The following THUMPD2 variants were observed in gnomAD, a reference collection of about 807,000 sequenced individuals.
The protein encoded by THUMPD2 is THUMP domain 2 tRNA and snRNA guanosine methyltransferase.
In THUMPD2, 56 loss-of-function variants were observed where a neutral mutation model predicts 49.4. The ratio of observed to expected loss-of-function variants is 1.13; its 90% CI spans 0.91 to 1.41. THUMPD2 has a LOEUF of 1.41. Among genes scored for constraint, THUMPD2 ranks in the 40% most tolerant of loss-of-function variants. The pLI is 0.00. For missense variants in THUMPD2, 709 were observed against 594.5 expected, an observed-to-expected ratio of 1.19 and a Z score of -2.00; for synonymous variants, 237 against 205.2, an observed-to-expected ratio of 1.15 and a Z score of -1.32.
chr2:39,769,723 G>C lies in THUMPD2; in HGVS notation c.659C>G (p.Ala220Gly). The C allele has an allele frequency of 6.4e-7, 1 of 1,567,712 alleles. No individual in the cohort carries two copies. The highest frequency in any genetic ancestry group is 8.6e-7 in the Non-Finnish European group (1 of 1,163,838). Residue 220 changes from alanine to glycine, a missense_variant, in exon 3 of 10, where the codon GCC becomes GGC. Physicochemically the swap from Ala to Gly is moderately conservative, Grantham distance 60. Coordinates refer to ENST00000505747, the MANE Select transcript of THUMPD2 (RefSeq NM_025264.5). ...ATGCAAGCATACCTGTGCAGTGAAG[G>C]CCTTTCCAATAGTTCCACTGCAGCG... ...SCRCSGTIGK[A>G]FTAQEVGKVI...
chr2:39,771,235 A>AT (rs1678272336), intron 2 of THUMPD2, among the ~76,000 whole-genome samples: 1 of 152,130 alleles, frequency 6.6e-6, no homozygotes, highest in Non-Finnish European at 1.5e-5. Context: ...ATATCTCTAG[A>AT]GAAGGTACCT....
chr2:39,760,426 C>G (rs1188332566), intron 6 of THUMPD2, among the ~76,000 whole-genome samples: 1 of 152,046 alleles, frequency 6.6e-6, no homozygotes, highest in Admixed American at 6.6e-5. Context: ...AGTAAAATCT[C>G]TAACCACAAA....
chr2:39,744,539 A>G, intron 8 of THUMPD2, 61 bp from the exon 9 acceptor site: 1 of 1,098,742 alleles, frequency 9.1e-7, no homozygotes, highest in Non-Finnish European at 1.3e-6. Context: ...AACTTAAATA[A>G]TGAGAAAATT....
chr2:39,778,614 A>G (rs1398565058), intron 1 of THUMPD2, among the ~76,000 whole-genome samples: 7 of 152,246 alleles, frequency 4.6e-5, no homozygotes, highest in Admixed American at 4.6e-4. Context: ...TGAGGCCTGC[A>G]AGAGTATATT....
In THUMPD2 at chr2:39,769,957, A is replaced by T. The variant is rs1234267062; in HGVS notation, c.425T>A (p.Ile142Asn). Residue 142 changes from isoleucine to asparagine, a missense_variant, in exon 3 of 10, where the codon ATC (isoleucine) becomes AAC (asparagine). Ile to Asn is a moderately radical substitution (Grantham distance 149). Transcript: ENST00000505747. ...QLKRKVGENE[I>N]IAKKLKIEQM... The stretch of plus-strand genomic sequence containing the variant: ...TTCTATTTTTAATTTCTTTGCAATG[A>T]TTTCATTTTCTCCCACTTTTCTTTT... 1.9e-6 allele frequency: 3 copies of T among 1,578,332 alleles called. No individual in the cohort carries two copies. The Admixed American group carries it at 6.0e-5, about 31-fold the overall frequency.
Position 39,745,825 on chromosome 2 carries a change from A to T in THUMPD2, c.1079-1347T>A, listed in dbSNP as rs188709157. Among the ~76,000 whole-genome samples, 968 of 152,242 alleles carry T rather than the reference A, an allele frequency of 6.4e-3. 3 individuals are homozygous for T. Among genetic ancestry groups the T allele is most frequent in the Non-Finnish European group, 8.4e-3 (570 of 67,996 alleles). ...ATATAGATGGAAGAGAATAATTTTTAAAAAAAATCTCCAGAACTAAGCAGT... is the reference window on the plus strand; with the variant it reads ...ATATAGATGGAAGAGAATAATTTTTTAAAAAAATCTCCAGAACTAAGCAGT... On this transcript the variant is annotated intron_variant, in intron 8 of 9. Transcript: ENST00000505747.
intron 8 of THUMPD2, among the ~76,000 whole-genome samples, chr2:39,747,587 C>G (rs1408347439): frequency 2.0e-5 from 3 of 152,010 alleles, no homozygotes; most frequent in Non-Finnish European, 4.4e-5. Context: ...TATTTATTAT[C>G]CAATAAATTG....
intron 6 of THUMPD2, among the ~76,000 whole-genome samples, chr2:39,757,773 T>C (rs958113722): frequency 6.6e-6 from 1 of 152,250 alleles, no homozygotes; most frequent in Admixed American, 6.5e-5. Flanking sequence ...GAGAACAGTT[T>C]ATAGTAAACA....
Position 39,751,243 on chromosome 2 carries a change from C to G in THUMPD2, c.1078+4052G>C, listed in dbSNP as rs577957992. ...GGCATGACAGGCAGCAAGGAGAAAA[C>G]AAACCAGTATGAAAGAAAATGCAAA... On this transcript the variant is annotated intron_variant, in intron 8 of 9. Transcript: ENST00000505747. 2.0e-5 allele frequency among the ~76,000 whole-genome samples: 3 copies of G among 152,332 alleles called. No individual in the cohort carries two copies. In the South Asian group the frequency reaches 6.2e-4, roughly 32 times the overall value.
At chr2:39,747,433 C>G (rs920675942) in intron 8 of THUMPD2, among the ~76,000 whole-genome samples, 30 of 152,224 alleles carry the variant, frequency 2.0e-4, no homozygotes, top group African/African-American at 6.5e-4. Context: ...AAACATTAGT[C>G]TTAAACACGC....
chr2:39,778,048 C>G (rs1353093902), intron 1 of THUMPD2, among the ~76,000 whole-genome samples: 1 of 152,166 alleles, frequency 6.6e-6, no homozygotes, highest in Non-Finnish European at 1.5e-5. Flanking sequence ...TGAATCCCAT[C>G]TTTGCGATTT....
chr2:39,762,344 A>G (rs1676927500), intron 5 of THUMPD2, among the ~76,000 whole-genome samples: 1 of 152,138 alleles, frequency 6.6e-6, no homozygotes, highest in Non-Finnish European at 1.5e-5. Context: ...TGTGAATATT[A>G]AACATTTCTT....
At chr2:39,749,629 G>A (rs370643678) in intron 8 of THUMPD2, among the ~76,000 whole-genome samples, 1 of 152,204 alleles carries the variant, frequency 6.6e-6, no homozygotes, top group East Asian at 1.9e-4. Flanking sequence ...AAGTTCCAGG[G>A]TATATGTGCA....
At position 39,761,561 on chromosome 2, in the gene THUMPD2, A is replaced by C. The variant is rs546479609; in HGVS notation, c.804-143T>G. Reference sequence around the variant, plus strand: ...TATTCCCTAAGTTAGACAATGTTTCAGTCTTATTACAAAAATTGCTTCTCT... The same window carrying C: ...TATTCCCTAAGTTAGACAATGTTTCCGTCTTATTACAAAAATTGCTTCTCT... On this transcript the variant is annotated intron_variant, in intron 5 of 9. Coordinates refer to ENST00000505747, the MANE Select transcript of THUMPD2 (RefSeq NM_025264.5). The C allele has an allele frequency of 6.5e-6, 5 of 768,572 alleles. No homozygotes were observed. In the South Asian group the frequency reaches 1.0e-4, roughly 15 times the overall value. The allele number at this position is 768,572 out of a possible 1,614,324, so 47.6% of individuals were successfully genotyped here.
Position 39,769,992 on chromosome 2 carries a change from A to G in THUMPD2, c.390T>C (p.Asp130=), listed in dbSNP as rs749051493. The part of the protein sequence containing the change: ...AKKEKLSQRD[D]NQLKRKVGEN... ...CTCCCACTTTTCTTTTTAGTTGGTT[A>G]TCATCTCTCTGAGAAAGTTTTTCCT... is the stretch of plus-strand genomic sequence containing the variant. Residue 130 remains aspartate, a synonymous_variant, in exon 3 of 10, where the codon GAT becomes GAC. Transcript: ENST00000505747. 4.4e-6 allele frequency: 7 copies of G among 1,576,626 alleles called. No individual in the cohort carries two copies. Among genetic ancestry groups the G allele is most frequent in the Non-Finnish European group, 6.0e-6 (7 of 1,169,898 alleles).
At chr2:39,773,115 C>G (rs1678557177) in intron 1 of THUMPD2, among the ~76,000 whole-genome samples, 1 of 152,152 alleles carries the variant, frequency 6.6e-6, no homozygotes, top group African/African-American at 2.4e-5. Flanking sequence ...CTTCCGGTTT[C>G]TAGAATTTAC....
intron 2 of THUMPD2, 88 bp downstream of exon 2, chr2:39,771,417 G>A (rs1385994406): frequency 1.6e-5 from 21 of 1,337,756 alleles, no homozygotes; most frequent in Non-Finnish European, 2.0e-5. Flanking sequence ...ATATTAAAGT[G>A]TAAAATGGCT....
chr2:39,772,304 G>C (rs964858798), intron 1 of THUMPD2, among the ~76,000 whole-genome samples: 1 of 152,144 alleles, frequency 6.6e-6, no homozygotes, highest in Non-Finnish European at 1.5e-5. Context: ...CTTGACAAAT[G>C]GTCATGAAAT....
At chr2:39,758,201 ACT>A (rs1285280228) in intron 6 of THUMPD2, among the ~76,000 whole-genome samples, 4 of 152,150 alleles carry the variant, frequency 2.6e-5, no homozygotes, top group Non-Finnish European at 4.4e-5. Flanking sequence ...TTAAATACAA[ACT>A]CTGGTGAAAC....
Sources: allele counts gnomAD v4.1 joint callset (sites outside exome capture counted in the v4.1 genomes callset), GRCh38; gene constraint gnomAD v4.1.1; transcripts MANE v1.5; gene names NCBI Gene and HGNC (gene_info 2026-07-23, HGNC 2026-07-21).